The following BLTP1 variants were observed in gnomAD, a reference collection of about 807,000 sequenced individuals.
The protein encoded by BLTP1 is bridge-like lipid transfer protein family member 1.
chr4:122,153,688 G>A, the BLTP1 span, among the ~76,000 whole-genome samples: 1 of 152,140 alleles, frequency 6.6e-6, no homozygotes, highest in African/African-American at 2.4e-5. Flanking sequence ...TGCCGGCAAG[G>A]ACCCAACAGT....
At chr4:122,351,901 G>A in the BLTP1 span, among the ~76,000 whole-genome samples, 1 of 152,074 alleles carries the variant, frequency 6.6e-6, no homozygotes, top group Admixed American at 6.6e-5. Flanking sequence ...ATGGGTGAGA[G>A]GTATGGAAAA....
chr4:122,344,486 G>A, the BLTP1 span: 1 of 1,613,988 alleles, frequency 6.2e-7, no homozygotes, highest in Middle Eastern at 1.6e-4. Flanking sequence ...GCGTTCAGGA[G>A]GTGCCTCATT....
At chr4:122,185,893 T>C in the BLTP1 span, 2 of 583,706 alleles carry the variant, frequency 3.4e-6, no homozygotes, top group Non-Finnish European at 5.1e-6. Flanking sequence ...GTTTTGTATT[T>C]ATTTTATTAA....
the BLTP1 span, chr4:122,290,915 T>C: frequency 8.7e-6 from 3 of 346,264 alleles, no homozygotes; most frequent in Non-Finnish European, 1.2e-5. Flanking sequence ...AATTAAAAAA[T>C]AAATAGACTC....
At chr4:122,207,514 CTTT>C in the BLTP1 span, 666 of 1,281,902 alleles carry the variant, frequency 5.2e-4, no homozygotes, top group Non-Finnish European at 5.4e-4. Flanking sequence ...ACTTTTTCTT[CTTT>C]TTTTTTTTTT....
chr4:122,229,968 A>G, the BLTP1 span: 9 of 1,614,042 alleles, frequency 5.6e-6, no homozygotes, highest in South Asian at 1.1e-5. Context: ...AATCTCCACA[A>G]TCAATCGGTT....
the BLTP1 span, chr4:122,272,248 T>G: frequency 2.5e-6 from 4 of 1,613,242 alleles, no homozygotes; most frequent in African/African-American, 5.3e-5. Context: ...AGAGGAAACG[T>G]AGCTTGGTAA....
chr4:122,315,659 G>A, the BLTP1 span: 1 of 1,614,030 alleles, frequency 6.2e-7, no homozygotes, highest in East Asian at 2.2e-5. Flanking sequence ...TGAGGATGAA[G>A]TTGATACTAT....
the BLTP1 span, chr4:122,224,623 A>G: frequency 6.8e-6 from 11 of 1,614,106 alleles, no homozygotes; most frequent in Admixed American, 3.3e-5. Flanking sequence ...TAGAATACGC[A>G]TGGTTAATTG....
chr4:122,282,719 A>G, the BLTP1 span, among the ~76,000 whole-genome samples: 1 of 152,184 alleles, frequency 6.6e-6, no homozygotes, highest in African/African-American at 2.4e-5. Flanking sequence ...TTGCTTTCCC[A>G]TATAGTTTTA....
the BLTP1 span, chr4:122,174,458 G>T: frequency 6.8e-7 from 1 of 1,469,590 alleles, no homozygotes; most frequent in Admixed American, 2.6e-5. Flanking sequence ...ATCAGGAAGA[G>T]AGTGAGAAGA....
the BLTP1 span, chr4:122,231,825 A>G: frequency 1.0e-6 from 1 of 971,814 alleles, no homozygotes; most frequent in Non-Finnish European, 1.2e-6. Flanking sequence ...TCCCAAAAGA[A>G]CCTGGGGTCC....
At chr4:122,174,013 T>C in the BLTP1 span, among the ~76,000 whole-genome samples, 3 of 152,174 alleles carry the variant, frequency 2.0e-5, no homozygotes, top group African/African-American at 7.2e-5. Context: ...AATTAAATTT[T>C]TGACTACTTA....
chr4:122,204,954 C>CA, the BLTP1 span: 2 of 222,704 alleles, frequency 9.0e-6, no homozygotes, highest in Non-Finnish European at 1.5e-5. Flanking sequence ...TTAATAGCCA[C>CA]ATGCCTTTTA....
At chr4:122,346,483 A>G in the BLTP1 span, 1 of 1,375,872 alleles carries the variant, frequency 7.3e-7, no homozygotes, top group Middle Eastern at 2.8e-4. Context: ...TGTTTTTGTA[A>G]TTTGTGGAAG....
the BLTP1 span, chr4:122,286,873 T>C: frequency 3.8e-4 from 429 of 1,116,650 alleles, 3 homozygotes; most frequent in East Asian, 0.01. Context: ...ATCCAAACTT[T>C]TAAGGTAAAG....
chr4:122,273,108 T>C, the BLTP1 span: 5 of 581,828 alleles, frequency 8.6e-6, no homozygotes, highest in South Asian at 3.0e-4. Flanking sequence ...TGTGGTTTTT[T>C]TTCTGGTTGT....
chr4:122,247,921 A>C, the BLTP1 span: 1 of 982,352 alleles, frequency 1.0e-6, no homozygotes, highest in Non-Finnish European at 1.2e-6. Flanking sequence ...AGAATGTCAG[A>C]GATTCAATTC....
chr4:122,358,718 A>G, the BLTP1 span, among the ~76,000 whole-genome samples: 1 of 152,190 alleles, frequency 6.6e-6, no homozygotes, highest in African/African-American at 2.4e-5. Flanking sequence ...AACCGGAGCT[A>G]TATAACACAT....
Sources: gnomAD v4.1 joint callset for allele counts (sites outside exome capture counted in the v4.1 genomes callset) on GRCh38, gnomAD v4.1.1 for gene constraint, MANE v1.5 for transcripts, NCBI Gene and HGNC (gene_info 2026-07-23, HGNC 2026-07-21) for gene names.